CRIM1: variants seen among roughly 807,000 people sequenced by gnomAD.
CRIM1 encodes cysteine-rich motor neuron 1 protein.
In CRIM1, 32 loss-of-function variants were observed where a neutral mutation model predicts 116.4. That is an observed-to-expected ratio of 0.27 (90% CI 0.21 to 0.37). CRIM1 has a LOEUF of 0.37. Ranked by LOEUF, CRIM1 falls within the 10% of genes least tolerant of loss-of-function variation. The pLI, the probability that CRIM1 is intolerant of heterozygous loss-of-function variation, is 1.00. For synonymous variants in CRIM1, 590 were observed against 509.2 expected, an observed-to-expected ratio of 1.16 and a Z score of -2.13; for missense variants, 1,331 against 1,354.8, an observed-to-expected ratio of 0.98 and a Z score of 0.28.
intron 7 of CRIM1, among the ~76,000 whole-genome samples, chr2:36,497,857 AAC>A (rs1680708381): frequency 6.6e-6 from 1 of 152,162 alleles, no homozygotes; most frequent in African/African-American, 2.4e-5. Context: ...TGGCAGCTAA[AAC>A]ACTTATTTTG....
At chr2:36,376,880 C>T (rs80310909) in intron 1 of CRIM1, among the ~76,000 whole-genome samples, 1 of 152,182 alleles carries the variant, frequency 6.6e-6, no homozygotes, top group Non-Finnish European at 1.5e-5. Context: ...AAGCTTATAG[C>T]ATTTGGGGGA....
intron 2 of CRIM1, among the ~76,000 whole-genome samples, chr2:36,407,653 G>A (rs564328369): frequency 1.5e-4 from 22 of 147,802 alleles, no homozygotes; most frequent in African/African-American, 5.3e-4. Flanking sequence ...CATTTTAACT[G>A]TTGGAAGTCA....
At chr2:36,367,246 T>C (rs1352484356) in intron 1 of CRIM1, among the ~76,000 whole-genome samples, 2 of 152,184 alleles carry the variant, frequency 1.3e-5, no homozygotes, top group African/African-American at 4.8e-5. Context: ...CCACTACCTA[T>C]CACATCAAAA....
At chr2:36,370,566 C>A (rs574786955) in intron 1 of CRIM1, among the ~76,000 whole-genome samples, 6 of 152,148 alleles carry the variant, frequency 3.9e-5, no homozygotes, top group African/African-American at 1.4e-4. Flanking sequence ...TAAAGCATGT[C>A]CAAAAGAAAT....
intron 1 of CRIM1, among the ~76,000 whole-genome samples, chr2:36,371,096 G>C (rs1004802359): frequency 4.6e-5 from 7 of 152,114 alleles, no homozygotes; most frequent in African/African-American, 1.7e-4. Context: ...AGCAACTAAG[G>C]CCAGCAACTG....
In CRIM1 at chr2:36,477,134, A is replaced by G. The variant is rs74493691; in HGVS notation, c.1174+63A>G. ...ACATGGTATAGAGTTCTAAAATCAA[A>G]ATCGTCCTAATTCAGTCTCATCCAA... On this transcript the variant is annotated intron_variant, in intron 6 of 16. Transcript: ENST00000280527. 1,947 of 1,309,766 alleles carry G rather than the reference A, an allele frequency of 1.5e-3. 16 individuals carry two copies. The African/African-American group carries it at 0.026, about 18-fold the overall frequency. 81.1% of individuals were successfully genotyped at this position (1,309,766 alleles called of 1,614,324 possible). A position where few individuals can be genotyped will look rare whatever the true frequency, so the allele number is the denominator to read the frequency against.
intron 1 of CRIM1, among the ~76,000 whole-genome samples, chr2:36,377,531 TG>T (rs1374354479): frequency 6.6e-6 from 1 of 152,214 alleles, no homozygotes; most frequent in Non-Finnish European, 1.5e-5. Context: ...CCTCTGTTCA[TG>T]ATTTCCCTCT....
At chr2:36,469,737 A>G (rs189202691) in intron 5 of CRIM1, among the ~76,000 whole-genome samples, 3 of 152,356 alleles carry the variant, frequency 2.0e-5, no homozygotes, top group Admixed American at 1.3e-4. Flanking sequence ...AATGTCTTCT[A>G]CTGATAGAAT....
At chr2:36,402,382 T>A in intron 2 of CRIM1, among the ~76,000 whole-genome samples, 2 of 135,382 alleles carry the variant, frequency 1.5e-5, no homozygotes, top group Non-Finnish European at 3.0e-5. Context: ...GCAAAAGCTC[T>A]AAGGAGAGAA....
At chr2:36,494,782 T>A (rs1356965206) in intron 7 of CRIM1, among the ~76,000 whole-genome samples, 1 of 152,214 alleles carries the variant, frequency 6.6e-6, no homozygotes, top group African/African-American at 2.4e-5. Flanking sequence ...GGGTTCCCTT[T>A]AGAAATAGTT....
Position 36,365,412 on chromosome 2 carries a change from T to C in CRIM1, c.331+8789T>C, listed in dbSNP as rs568706075. On this transcript the variant is annotated intron_variant, in intron 1 of 16. Transcript: ENST00000280527. Reference sequence around the variant, plus strand: ...CAAGGATATAGCCAGGCCAGGTTGATATATCTCACTGAGGTTACAGAAGGA... The same window carrying C: ...CAAGGATATAGCCAGGCCAGGTTGACATATCTCACTGAGGTTACAGAAGGA... Among the ~76,000 whole-genome samples the C allele has an allele frequency of 2.0e-3, 302 of 152,334 alleles. 1 individual carries two copies. The highest frequency in any genetic ancestry group is 3.2e-3 in the Non-Finnish European group (217 of 68,020).
intron 2 of CRIM1, among the ~76,000 whole-genome samples, chr2:36,404,199 C>CAATT (rs1208121827): frequency 6.6e-6 from 1 of 152,136 alleles, no homozygotes; most frequent in African/African-American, 2.4e-5. Context: ...GTCTAAAACA[C>CAATT]AATTGCCAGT....
At chr2:36,369,078 T>C (rs774197831) in intron 1 of CRIM1, 1 of 152,254 alleles carries the variant, frequency 6.6e-6, no homozygotes, top group Non-Finnish European at 1.5e-5. Context: ...TTCTGGTGTA[T>C]AAATAGGTCT....
chr2:36,423,956 A>G lies in CRIM1; in HGVS notation c.506-17302A>G, dbSNP rs555270952. On this transcript the variant is annotated intron_variant, in intron 2 of 16. Transcript: ENST00000280527. ...CTTGTAGTAAGTGGTAGAACAAACTAGGCAGACAGGTACGTAGGTAGGTGG... is the reference window on the plus strand; with the variant it reads ...CTTGTAGTAAGTGGTAGAACAAACTGGGCAGACAGGTACGTAGGTAGGTGG... 2.6e-5 allele frequency among the ~76,000 whole-genome samples: 4 copies of G among 152,322 alleles called. No homozygotes were observed. The South Asian group carries it at 8.3e-4, about 32-fold the overall frequency.
intron 7 of CRIM1, among the ~76,000 whole-genome samples, chr2:36,497,347 T>G (rs542855208): frequency 2.0e-5 from 3 of 152,242 alleles, no homozygotes; most frequent in Non-Finnish European, 2.9e-5. Context: ...CCTTCTACGC[T>G]CTCTCATATT....
intron 13 of CRIM1, among the ~76,000 whole-genome samples, chr2:36,532,749 T>C (rs1328481979): frequency 6.6e-6 from 1 of 152,184 alleles, no homozygotes; most frequent in Non-Finnish European, 1.5e-5. Context: ...GCTGTGCATC[T>C]TGGACAACTG....
rs181387952 is a variant in CRIM1 at position 36,423,519 on chromosome 2, A to T, written c.506-17739A>T. Among the ~76,000 whole-genome samples the T allele has an allele frequency of 8.8e-4, 134 of 152,358 alleles. No individual in the cohort carries two copies. In the East Asian group the frequency reaches 0.023, roughly 26 times the overall value. On this transcript the variant is annotated intron_variant, in intron 2 of 16. Transcript: ENST00000280527. ...TGTGTACAGACATTTCCAAAGTAAG[A>T]TGATGGTAATAATTACACAGTAAAA...
chr2:36,401,026 AT>A (rs1019906272), intron 2 of CRIM1, among the ~76,000 whole-genome samples: 1 of 152,136 alleles, frequency 6.6e-6, no homozygotes, highest in African/African-American at 2.4e-5. Context: ...ATGAGAAAAC[AT>A]GGGTCTCCAT....
At chr2:36,407,353 A>G (rs1672887637) in intron 2 of CRIM1, among the ~76,000 whole-genome samples, 1 of 152,228 alleles carries the variant, frequency 6.6e-6, no homozygotes, top group Non-Finnish European at 1.5e-5. Flanking sequence ...ATTGGGAAAG[A>G]AAGTGTAGAC....
Sources: allele counts gnomAD v4.1 joint callset (sites outside exome capture counted in the v4.1 genomes callset), GRCh38; gene constraint gnomAD v4.1.1; transcripts MANE v1.5; gene names NCBI Gene and HGNC (gene_info 2026-07-23, HGNC 2026-07-21).